Variants in COG4 observed in about 807,000 individuals in gnomAD.
COG4 encodes the protein component of oligomeric golgi complex 4, also known as conserved oligomeric Golgi complex subunit 4.
COG4 carries 65 observed loss-of-function variants against 95.1 expected under a neutral mutation model. The ratio of observed to expected loss-of-function variants is 0.68; its 90% confidence interval spans 0.56 to 0.84. The LOEUF is 0.84. Among genes scored for constraint, COG4 ranks in the 40% least tolerant of loss-of-function variants. COG4 has a pLI of 0.00. For missense variants in COG4, 1,045 were observed against 989.1 expected, an observed-to-expected ratio of 1.06 and a Z score of -0.76; for synonymous variants, 421 against 374.8, an observed-to-expected ratio of 1.12 and a Z score of -1.42.
intron 5 of COG4, 119 bp from the exon 6 acceptor site, chr16:70,510,140 C>T (rs1567390806): frequency 1.2e-6 from 1 of 811,008 alleles, no homozygotes; most frequent in East Asian, 2.7e-5. Context: ...CCCTTGATGT[C>T]TGGAAGCCCA....
At chr16:70,506,618 C>CAAACAA (rs1555496650) in intron 8 of COG4, among the ~76,000 whole-genome samples, 13 of 59,944 alleles carry the variant, frequency 2.2e-4, no homozygotes, top group African/African-American at 7.7e-4. Flanking sequence ...AAAAAAAAAA[C>CAAACAA]AAAAAAAAAA....
At chr16:70,510,228 T>A (rs1055567229) in intron 5 of COG4, among the ~76,000 whole-genome samples, 1 of 152,242 alleles carries the variant, frequency 6.6e-6, no homozygotes, top group Non-Finnish European at 1.5e-5. Flanking sequence ...GTGTAGCTCC[T>A]CTTCCATTAT....
chr16:70,523,343 C>T, intron 1 of COG4, 30 bp downstream of exon 1: 1 of 1,613,690 alleles, frequency 6.2e-7, no homozygotes, highest in Middle Eastern at 1.7e-4. Flanking sequence ...CCTAGATCCT[C>T]CATGAAAAAG....
intron 3 of COG4, chr16:70,516,132 G>A: frequency 4.5e-6 from 2 of 448,504 alleles, no homozygotes; most frequent in South Asian, 3.2e-5. Flanking sequence ...TATTAATATG[G>A]TGTATTATTA....
At position 70,481,357 on chromosome 16, in the gene COG4, A is replaced by G; in HGVS notation, c.2235+2T>C. ...TGGCTGGGCCAAGGGTGCCCCACCT[A>G]CCCGCTCCAGATTGAGGATGGTGGC... is the stretch of plus-strand genomic sequence containing the variant. On this transcript the variant is annotated splice_donor_variant, in intron 18 of 18. Coordinates refer to ENST00000323786, the MANE Select transcript of COG4 (RefSeq NM_015386.3). LOFTEE classifies it high-confidence loss of function. The G allele has an allele frequency of 6.2e-7, 1 of 1,612,240 alleles. No homozygotes were observed. The highest frequency in any genetic ancestry group is 8.5e-7 in the Non-Finnish European group (1 of 1,179,884).
chr16:70,523,504 G>A lies in COG4; in HGVS notation c.40C>T (p.Leu14=), dbSNP rs372428018. The A allele has an allele frequency of 1.9e-6, 3 of 1,614,084 alleles. No homozygotes were observed. The highest frequency in any genetic ancestry group is 1.7e-6 in the Non-Finnish European group (2 of 1,180,036). ...TCAGACGGCTGCTGCACCCCTGACA[G>A]CTTCGGAGGCGAATCAAGGTCCGCC... The part of the protein sequence containing the change: ...KMADLDSPPK[L]SGVQQPSEGV... The change falls in exon 1 of 19, where the codon CTG becomes TTG. Residue 14 remains leucine (L), a synonymous_variant. Transcript: ENST00000323786.
At position 70,497,967 on chromosome 16, in the gene COG4, C is replaced by A; in HGVS notation, c.1284G>T (p.Glu428Asp). Reference sequence around the variant, plus strand: ...TGACAGTCTCCCTCATGAAGTACTCCTCCATGGTAACATATAAGCCAATTA... The same window carrying A: ...TGACAGTCTCCCTCATGAAGTACTCATCCATGGTAACATATAAGCCAATTA... Reference protein sequence around the residue: ...QELIGLYVTMEEYFMRETVNK... With the variant: ...QELIGLYVTMDEYFMRETVNK... Residue 428 changes from glutamate (E) to aspartate (D), a missense_variant, in exon 10 of 19, where the codon GAG becomes GAT. By Grantham distance (45) the Glu-to-Asp change is conservative. Transcript: ENST00000323786. 2 of 1,610,002 alleles carry A rather than the reference C, an allele frequency of 1.2e-6. No homozygotes were observed. Among genetic ancestry groups the A allele is most frequent in the Non-Finnish European group, 1.7e-6 (2 of 1,176,212 alleles).
At position 70,501,252 on chromosome 16, in the gene COG4, G is replaced by A; in HGVS notation, c.1062-161C>T. On this transcript the variant is annotated intron_variant, in intron 8 of 18. Transcript: ENST00000323786. The stretch of plus-strand genomic sequence containing the variant: ...CTCTGCTGGCCCAATTAGAATCAGA[G>A]ATAGCTGTCAATCACATTTTCCATT... 4.3e-6 allele frequency: 3 copies of A among 693,860 alleles called. No individual in the cohort carries two copies. In the South Asian group the frequency reaches 5.0e-5, roughly 12 times the overall value. 43.0% of individuals were successfully genotyped at this position (693,860 alleles called of 1,614,324 possible).
intron 13 of COG4, among the ~76,000 whole-genome samples, chr16:70,485,314 G>C (rs575474782): frequency 6.7e-6 from 1 of 149,046 alleles, no homozygotes; most frequent in East Asian, 2.0e-4. Flanking sequence ...AGCGATTCTC[G>C]TGCCTCAGCC....
At position 70,482,821 on chromosome 16, in the gene COG4, C is replaced by G; in HGVS notation, c.1828G>C (p.Glu610Gln). The G allele has an allele frequency of 1.2e-6, 2 of 1,613,232 alleles. No homozygotes were observed. Among genetic ancestry groups the G allele is most frequent in the Admixed American group, 1.7e-5 (1 of 59,990 alleles). Residue 610 changes from glutamate to glutamine, a missense_variant and splice_region_variant, in exon 15 of 19, where the codon GAA (glutamate) becomes CAA (glutamine). Physicochemically the swap from Glu to Gln is conservative, Grantham distance 29 (BLOSUM62 2). Transcript: ENST00000323786. ...VSNKFRDLLQEGLTELNSTAI... is the reference protein window; with the variant it reads ...VSNKFRDLLQQGLTELNSTAI... Reference sequence around the variant, plus strand: ...GTGCTGTTGAGCTCCGTCAGCCCTTCCTGCACAAGGACAAGGTGGAGACAT... The same window carrying G: ...GTGCTGTTGAGCTCCGTCAGCCCTTGCTGCACAAGGACAAGGTGGAGACAT...
rs11382671 is a variant in COG4 at position 70,495,397 on chromosome 16, C to CAAAAAAAAAAAAAAAAAAAAA, written c.1647+868_1647+869insTTTTTTTTTTTTTTTTTTTTT. On this transcript the variant is annotated intron_variant, in intron 12 of 18. Transcript: ENST00000323786. ...GGGGAACAAGAGCAAGACTCCATCT[C>CAAAAAAAAAAAAAAAAAAAAA]AAAAAAAAAAAAAAAAGAATCTGAT... Among the ~76,000 whole-genome samples the CAAAAAAAAAAAAAAAAAAAAA allele has an allele frequency of 8.2e-4, 91 of 111,260 alleles. 3 individuals carry two copies. The highest frequency in any genetic ancestry group is 3.0e-3 in the African/African-American group (85 of 28,306). 73.0% of individuals were successfully genotyped at this position (111,260 alleles called of 152,430 possible). A position where few individuals can be genotyped will look rare whatever the true frequency, so the allele number is the denominator to read the frequency against.
chr16:70,493,532 A>C (rs866882107), intron 12 of COG4, among the ~76,000 whole-genome samples: 2 of 152,304 alleles, frequency 1.3e-5, no homozygotes, highest in South Asian at 2.1e-4. Context: ...TATTTGTGCA[A>C]TGAGTAAGAG....
intron 2 of COG4, 38 bp downstream of exon 2, chr16:70,519,611 G>A: frequency 1.3e-6 from 2 of 1,497,600 alleles, no homozygotes; most frequent in Non-Finnish European, 1.9e-6. Context: ...GACCCTGTTG[G>A]AATTTACATT....
chr16:70,517,099 A>G (rs970475749), intron 3 of COG4, among the ~76,000 whole-genome samples: 1 of 151,780 alleles, frequency 6.6e-6, no homozygotes, highest in African/African-American at 2.4e-5. Context: ...GGGTTTTCCC[A>G]TGTTGCCCAG....
chr16:70,517,184 T>C (rs2049839312), intron 3 of COG4, among the ~76,000 whole-genome samples: 1 of 152,168 alleles, frequency 6.6e-6, no homozygotes, highest in African/African-American at 2.4e-5. Flanking sequence ...TAGGTGTTAG[T>C]CACCACGCAA....
chr16:70,482,205 T>A (rs749694230), intron 15 of COG4, 30 bp from the exon 16 acceptor site: 5 of 1,439,258 alleles, frequency 3.5e-6, no homozygotes, highest in Middle Eastern at 1.7e-4. Context: ...CTGGTCACCA[T>A]GGGCCTCATA....
intron 4 of COG4, among the ~76,000 whole-genome samples, chr16:70,512,874 A>G (rs972281863): frequency 2.0e-5 from 3 of 152,204 alleles, no homozygotes; most frequent in African/African-American, 7.2e-5. Context: ...GTTACTCAGG[A>G]GGCTGAGGCA....
chr16:70,483,745 T>G, intron 14 of COG4, 108 bp downstream of exon 14: 1 of 874,314 alleles, frequency 1.1e-6, no homozygotes, highest in Non-Finnish European at 2.0e-6. Flanking sequence ...TGCGTGCTGC[T>G]CCCTCACCCG....
At chr16:70,501,512 G>T in intron 8 of COG4, 1 of 206,524 alleles carries the variant, frequency 4.8e-6, no homozygotes, top group South Asian at 7.9e-5. Flanking sequence ...CCACCACCAT[G>T]CCCGGCTAAT....
Sources: allele counts gnomAD v4.1 joint callset (sites outside exome capture counted in the v4.1 genomes callset), GRCh38; gene constraint gnomAD v4.1.1; transcripts MANE v1.5; gene names NCBI Gene and HGNC (gene_info 2026-07-23, HGNC 2026-07-21).